Variants in SIPA1L1 observed in about 807,000 individuals in gnomAD.
The protein encoded by SIPA1L1 is signal-induced proliferation-associated 1-like protein 1.
In SIPA1L1, 26 loss-of-function variants were observed where a neutral mutation model predicts 162.7. The ratio of observed to expected loss-of-function variants is 0.16; its 90% CI spans 0.12 to 0.22. The LOEUF is 0.22. Among genes scored for constraint, SIPA1L1 ranks in the 10% least tolerant of loss-of-function variants. The pLI is 1.00. For missense variants in SIPA1L1, 1,874 were observed against 2,241.0 expected, an observed-to-expected ratio of 0.84 and a Z score of 3.31; for synonymous variants, 829 against 837.4, an observed-to-expected ratio of 0.99 and a Z score of 0.17.
intron 2 of SIPA1L1, among the ~76,000 whole-genome samples, chr14:71,412,038 A>G (rs752032745): frequency 3.9e-5 from 6 of 152,198 alleles, no homozygotes; most frequent in Non-Finnish European, 8.8e-5. Context: ...TATTTATATA[A>G]TTAGTTGTAG....
At chr14:71,476,419 T>G in intron 2 of SIPA1L1, among the ~76,000 whole-genome samples, 1 of 152,326 alleles carries the variant, frequency 6.6e-6, no homozygotes, top group African/African-American at 2.4e-5. Flanking sequence ...CAGTTAACTT[T>G]GGAAAGAAAT....
At chr14:71,342,219 G>A (rs1430612479) in intron 2 of SIPA1L1, among the ~76,000 whole-genome samples, 1 of 152,112 alleles carries the variant, frequency 6.6e-6, no homozygotes, top group Admixed American at 6.6e-5. Context: ...GCCCAGGCTG[G>A]TCTCAAATTC....
chr14:71,575,887 G>A (rs1302913514), intron 4 of SIPA1L1, among the ~76,000 whole-genome samples: 1 of 152,208 alleles, frequency 6.6e-6, no homozygotes, highest in Non-Finnish European at 1.5e-5. Flanking sequence ...AGAGAAAGAT[G>A]AAGCTGAAAC....
At chr14:71,506,869 G>A (rs1215558090) in intron 2 of SIPA1L1, among the ~76,000 whole-genome samples, 1 of 105,314 alleles carries the variant, frequency 9.5e-6, no homozygotes, top group East Asian at 2.6e-4. Flanking sequence ...TCGTCTTGTT[G>A]CCCAGGGTGG....
intron 22 of SIPA1L1, 54 bp downstream of exon 22, chr14:71,735,445 A>G: frequency 1.6e-6 from 2 of 1,244,438 alleles, no homozygotes; most frequent in Non-Finnish European, 2.4e-6. Flanking sequence ...TCTGCCACTG[A>G]CTGCATCTGT....
chr14:71,587,281 G>A (rs1471469451), intron 4 of SIPA1L1, among the ~76,000 whole-genome samples: 2 of 152,012 alleles, frequency 1.3e-5, no homozygotes, highest in Non-Finnish European at 2.9e-5. Flanking sequence ...TAGGAGCCAT[G>A]ATATCCAGAA....
intron 2 of SIPA1L1, among the ~76,000 whole-genome samples, chr14:71,433,338 A>G (rs1193812313): frequency 1.3e-5 from 2 of 152,120 alleles, no homozygotes; most frequent in Admixed American, 6.6e-5. Flanking sequence ...ATTATTTGAG[A>G]TAGTGCCTCA....
At chr14:71,647,234 A>C (rs1432919855) in intron 7 of SIPA1L1, among the ~76,000 whole-genome samples, 1 of 152,114 alleles carries the variant, frequency 6.6e-6, no homozygotes, top group Non-Finnish European at 1.5e-5. Flanking sequence ...TTAAAGGATC[A>C]TTCCTTTCAC....
intron 5 of SIPA1L1, among the ~76,000 whole-genome samples, chr14:71,599,147 CTTTTTTT>C (rs35037397): frequency 3.8e-5 from 4 of 106,200 alleles, no homozygotes; most frequent in Admixed American, 1.2e-4. Context: ...TGATTTCATT[CTTTTTTT>C]TTTTTTTTTT....
At chr14:71,420,439 A>G (rs771855844) in intron 2 of SIPA1L1, among the ~76,000 whole-genome samples, 1 of 152,222 alleles carries the variant, frequency 6.6e-6, no homozygotes, top group Non-Finnish European at 1.5e-5. Context: ...AAGGAGTAAC[A>G]TTTGGTTTTT....
chr14:71,627,131 C>CTTTTTTTTTTTTT lies in SIPA1L1; in HGVS notation c.1818+2926_1818+2938dup, dbSNP rs71105788. The stretch of plus-strand genomic sequence containing the variant: ...TGATGCCTTTCTGGGACTTTCACTA[C>CTTTTTTTTTTTTT]TTTTTTTTTTTTTTTTTTTTTTTTT... On this transcript the variant is annotated intron_variant, in intron 7 of 23. Coordinates refer to ENST00000381232, the MANE Select transcript of SIPA1L1 (RefSeq NM_001386936.1). Among the ~76,000 whole-genome samples, 19 of 48,786 alleles carry CTTTTTTTTTTTTT rather than the reference C, an allele frequency of 3.9e-4. 4 individuals carry two copies. The highest frequency in any genetic ancestry group is 1.7e-3 in the East Asian group (2 of 1,174). 32.0% of individuals were successfully genotyped at this position (48,786 alleles called of 152,430 possible).
chr14:71,363,621 A>G (rs562804196), intron 2 of SIPA1L1, among the ~76,000 whole-genome samples: 35 of 152,304 alleles, frequency 2.3e-4, no homozygotes, highest in African/African-American at 8.2e-4. Flanking sequence ...GTAAAGGTCA[A>G]TTTTAAATGA....
chr14:71,658,499 G>T, intron 9 of SIPA1L1, 63 bp downstream of exon 9: 2 of 1,068,536 alleles, frequency 1.9e-6, no homozygotes, highest in South Asian at 1.3e-5. Flanking sequence ...AAGCCTAAGT[G>T]GCAAGTTTGT....
At chr14:71,517,442 T>G (rs2051855138) in intron 3 of SIPA1L1, among the ~76,000 whole-genome samples, 2 of 152,228 alleles carry the variant, frequency 1.3e-5, no homozygotes, top group African/African-American at 4.8e-5. Context: ...ACATTCTGTT[T>G]TCTTATTTTA....
At chr14:71,440,043 T>C (rs988784915) in intron 2 of SIPA1L1, among the ~76,000 whole-genome samples, 3 of 152,170 alleles carry the variant, frequency 2.0e-5, no homozygotes, top group African/African-American at 7.2e-5. Flanking sequence ...TTTTTGTTTG[T>C]TTTTTGAGAC....
At chr14:71,534,688 C>T (rs2053739165) in intron 4 of SIPA1L1, among the ~76,000 whole-genome samples, 1 of 152,094 alleles carries the variant, frequency 6.6e-6, no homozygotes, top group South Asian at 2.1e-4. Context: ...GCAGAGAGAC[C>T]ATCTGTCTCT....
intron 11 of SIPA1L1, 108 bp from the exon 12 acceptor site, chr14:71,672,240 C>T (rs2044608558): frequency 9.4e-6 from 10 of 1,067,052 alleles, no homozygotes; most frequent in Non-Finnish European, 1.1e-5. Flanking sequence ...CTTCAGCTGG[C>T]AATAAGGTAT....
chr14:71,678,401 T>G (rs1006751375), intron 12 of SIPA1L1, among the ~76,000 whole-genome samples: 17 of 152,234 alleles, frequency 1.1e-4, no homozygotes, highest in Non-Finnish European at 1.6e-4. Flanking sequence ...GAGATAATCA[T>G]GTGGTTTTTG....
intron 8 of SIPA1L1, among the ~76,000 whole-genome samples, chr14:71,654,693 A>C (rs762990943): frequency 1.3e-5 from 2 of 152,212 alleles, no homozygotes. Flanking sequence ...TGTGATTGTC[A>C]AGGTGACCTA....
Sources: allele counts gnomAD v4.1 joint callset (sites outside exome capture counted in the v4.1 genomes callset), GRCh38; gene constraint gnomAD v4.1.1; transcripts MANE v1.5; gene names NCBI Gene and HGNC (gene_info 2026-07-23, HGNC 2026-07-21).